Variants in PER2 observed in about 807,000 individuals in gnomAD.
PER2 encodes the protein period circadian protein homolog 2.
In PER2, 66 loss-of-function variants were observed where a neutral mutation model predicts 121.0. That is an observed-to-expected ratio of 0.55 (90% CI 0.45 to 0.67). The LOEUF (loss-of-function observed/expected upper bound fraction) is 0.67, where lower values mean the gene tolerates loss of function less well. Ranked by LOEUF, PER2 falls within the 30% of genes least tolerant of loss-of-function variation. The pLI is 0.00. For synonymous variants in PER2, 684 were observed against 659.9 expected, an observed-to-expected ratio of 1.04 and a Z score of -0.56; for missense variants, 1,521 against 1,635.0, an observed-to-expected ratio of 0.93 and a Z score of 1.20.
chr2:238,262,867 A>G (rs1170184846), intron 10 of PER2, 85 bp downstream of exon 10: 2 of 900,958 alleles, frequency 2.2e-6, no homozygotes, highest in Admixed American at 3.9e-5. Context: ...GACCTGTCAG[A>G]GCTAGACTGG....
upstream of PER2, among the ~76,000 whole-genome samples, chr2:238,288,927 C>CT (rs972732182): frequency 6.6e-6 from 1 of 152,224 alleles, no homozygotes; most frequent in Admixed American, 6.5e-5. Flanking sequence ...GCCCGTCGCT[C>CT]TTTTTACATA....
chr2:238,253,515 C>T lies in PER2; in HGVS notation c.2508G>A (p.Thr836=), dbSNP rs374584782. The change falls in exon 19 of 23, where the codon ACG becomes ACA. Residue 836 remains threonine (T), a synonymous_variant. Transcript: ENST00000254657. The surrounding 1 kb of genome is among the most constrained non-coding windows in gnomAD (Gnocchi z 5.6). ...GCACGGCTGGGCAGCTGGACTGGGA[C>T]GTGTCTGAGGGTGACCAGGCTGTGG... ...LNATAWSPSD[T]SQSSCPAVPF... 9 of 1,611,684 alleles carry T rather than the reference C, an allele frequency of 5.6e-6. No homozygotes were observed. The highest frequency in any genetic ancestry group is 1.3e-5 in the African/African-American group (1 of 74,892).
In PER2 at chr2:238,260,009, A is replaced by G; in HGVS notation, c.1587T>C (p.Tyr529=). The G allele has an allele frequency of 1.3e-6, 2 of 1,511,898 alleles. No homozygotes were observed. Among genetic ancestry groups the G allele is most frequent in the Non-Finnish European group, 1.8e-6 (2 of 1,091,708 alleles). 93.7% of individuals were successfully genotyped at this position (1,511,898 alleles called of 1,614,324 possible). Residue 529 remains tyrosine (Y), a synonymous_variant, in exon 14 of 23, where the codon TAT becomes TAC. Transcript: ENST00000254657. ...TCTTTTGTTCTCCAGATTCATGAGA[A>G]TAATGACTTCTATTTTTGGTCTTGT... ...NGNKTKNRSH[Y]SHESGEQKKK... is the part of the protein sequence containing the mutation.
chr2:238,279,830 G>A (rs1025850156), intron 1 of PER2, among the ~76,000 whole-genome samples: 1 of 152,168 alleles, frequency 6.6e-6, no homozygotes, highest in African/African-American at 2.4e-5. Flanking sequence ...CAAAGTGAAG[G>A]TGCGTCCGGC....
upstream of PER2, among the ~76,000 whole-genome samples, chr2:238,294,083 AC>A (rs929080749): frequency 1.3e-4 from 20 of 152,128 alleles, no homozygotes; most frequent in African/African-American, 4.6e-4. Context: ...CTGAGGTGAT[AC>A]CCGTGTTCAA....
chr2:238,278,223 C>T (rs1696519444), intron 1 of PER2, among the ~76,000 whole-genome samples: 1 of 152,140 alleles, frequency 6.6e-6, no homozygotes, highest in Non-Finnish European at 1.5e-5. Context: ...GCACTCACCA[C>T]CATGCCTGGT....
chr2:238,296,064 CAG>C, the PER2 span, among the ~76,000 whole-genome samples: 16 of 124,280 alleles, frequency 1.3e-4, no homozygotes, highest in African/African-American at 4.3e-4. Context: ...CCTCCTGCTG[CAG>C]AGTCAGTCGT....
chr2:238,254,517 G>C (rs1695703742), intron 18 of PER2, among the ~76,000 whole-genome samples: 1 of 152,222 alleles, frequency 6.6e-6, no homozygotes, highest in African/African-American at 2.4e-5. Context: ...TGGAGGTTTT[G>C]CAATTCAGCC....
chr2:238,260,362 T>C (rs577238190), intron 13 of PER2, among the ~76,000 whole-genome samples: 1 of 152,164 alleles, frequency 6.6e-6, no homozygotes, highest in Non-Finnish European at 1.5e-5. Flanking sequence ...GTTCAAGCCA[T>C]TCTCCTGCCT....
At chr2:238,266,145 C>T (rs1038509366) in intron 8 of PER2, among the ~76,000 whole-genome samples, 5 of 152,244 alleles carry the variant, frequency 3.3e-5, no homozygotes, top group South Asian at 2.1e-4. Context: ...CCTCGTGATC[C>T]GCCCACCTTG....
chr2:238,292,159 A>T (rs1696960199), upstream of PER2, among the ~76,000 whole-genome samples: 1 of 152,240 alleles, frequency 6.6e-6, no homozygotes, highest in African/African-American at 2.4e-5. Flanking sequence ...CTGAGATCCT[A>T]TCTTTTCAAA....
rs754794953 is a variant in PER2 at position 238,253,711 on chromosome 2, G to A, written c.2321-9C>T. ...TCTTAGTCCAGGGGCAGCTAATGCA[G>A]AAAAACAAATACTCGGAGTTAAAAT... On this transcript the variant is annotated splice_polypyrimidine_tract_variant and intron_variant, in intron 18 of 22. Coordinates refer to ENST00000254657, the MANE Select transcript of PER2 (RefSeq NM_022817.3). The surrounding 1 kb of genome is among the most constrained non-coding windows in gnomAD (Gnocchi z 5.6). The A allele has an allele frequency of 3.1e-6, 5 of 1,589,522 alleles. No homozygotes were observed. The South Asian group carries it at 4.5e-5, about 14-fold the overall frequency.
chr2:238,265,264 G>A (rs10201361), intron 9 of PER2, among the ~76,000 whole-genome samples: 1 of 152,098 alleles, frequency 6.6e-6, no homozygotes, highest in African/African-American at 2.4e-5. Flanking sequence ...TATCCACTCC[G>A]AATGGGTTTA....
intron 3 of PER2, 96 bp downstream of exon 3, chr2:238,277,035 T>C (rs1696476244): frequency 4.1e-6 from 4 of 965,792 alleles, no homozygotes; most frequent in South Asian, 3.8e-5. Flanking sequence ...TAGCACAGCT[T>C]AAAAAAAGCC....
chr2:238,283,754 G>T (rs1442711454), intron 1 of PER2, among the ~76,000 whole-genome samples: 1 of 152,206 alleles, frequency 6.6e-6, no homozygotes, highest in Non-Finnish European at 1.5e-5. Context: ...TCTTGCCATG[G>T]TTCAGTGGAG....
At chr2:238,280,264 G>C (rs1246109906) in intron 1 of PER2, among the ~76,000 whole-genome samples, 1 of 152,206 alleles carries the variant, frequency 6.6e-6, no homozygotes, top group African/African-American at 2.4e-5. Flanking sequence ...CCCATTCGCC[G>C]GTGAGCCACT....
intron 2 of PER2, 130 bp from the exon 3 acceptor site, chr2:238,277,323 TA>T: frequency 1.3e-6 from 1 of 763,652 alleles, no homozygotes; most frequent in Non-Finnish European, 2.3e-6. Flanking sequence ...AATACAAGGT[TA>T]AGATAAAACT....
intron 12 of PER2, 102 bp from the exon 13 acceptor site, chr2:238,261,055 C>A: frequency 7.2e-7 from 1 of 1,393,244 alleles, no homozygotes; most frequent in Non-Finnish European, 9.9e-7. Flanking sequence ...GATGGCGACC[C>A]GCCTAAGGCT....
chr2:238,282,149 C>T (rs537292589), intron 1 of PER2, among the ~76,000 whole-genome samples: 1 of 152,342 alleles, frequency 6.6e-6, no homozygotes, highest in African/African-American at 2.4e-5. Context: ...AGTCTAGCTC[C>T]TGCAATCTCC....
Sources: gnomAD v4.1 joint callset for allele counts (sites outside exome capture counted in the v4.1 genomes callset) on GRCh38, gnomAD v4.1.1 for gene constraint, Gnocchi (gnomAD v3.1) non-coding constraint, MANE v1.5 for transcripts, NCBI Gene and HGNC (gene_info 2026-07-23, HGNC 2026-07-21) for gene names.